ARMH3: variants seen among roughly 807,000 people sequenced by gnomAD.
The protein encoded by ARMH3 is armadillo-like helical domain-containing protein 3.
ARMH3 carries 60 observed loss-of-function variants against 99.1 expected under a neutral mutation model. That is an observed-to-expected ratio of 0.61 (90% CI 0.49 to 0.75). The LOEUF (loss-of-function observed/expected upper bound fraction) is 0.75. Ranked by LOEUF, ARMH3 falls within the 30% of genes least tolerant of loss-of-function variation. ARMH3 has a pLI of 0.00. For missense variants in ARMH3, 679 were observed against 843.1 expected (o/e 0.81, Z 2.41); for synonymous variants, 285 against 292.8 (o/e 0.97, Z 0.27).
At chr10:101,884,957 A>G (rs115618925) in intron 24 of ARMH3, among the ~76,000 whole-genome samples, 2,785 of 152,318 alleles carry the variant, frequency 0.018, 88 homozygotes, top group African/African-American at 0.064. Context: ...AATTCCTAAC[A>G]GTTAACAACA....
rs539520399 is a variant in ARMH3 at position 101,847,244 on chromosome 10, T to C, written c.*284A>G. On this transcript the variant is annotated 3_prime_UTR_variant, in exon 26 of 26. Transcript: ENST00000370033. ...GTAGCTACAGCTTGTAACCTCAAGA[T>C]TGGAAATGTGAGGGGCTGTTTAGGG... 3.0e-5 allele frequency: 11 copies of C among 362,660 alleles called. No homozygotes were observed. The East Asian group carries it at 4.5e-4, about 15-fold the overall frequency. 22.5% of individuals were successfully genotyped at this position (362,660 alleles called of 1,614,324 possible).
intron 19 of ARMH3, 61 bp downstream of exon 19, chr10:101,990,490 C>T: frequency 7.4e-7 from 1 of 1,356,344 alleles, no homozygotes; most frequent in South Asian, 1.2e-5. Flanking sequence ...CATGAATTTT[C>T]TAACATTCAG....
intron 19 of ARMH3, among the ~76,000 whole-genome samples, chr10:101,982,745 T>C (rs1368358323): frequency 6.6e-6 from 1 of 152,020 alleles, no homozygotes; most frequent in Non-Finnish European, 1.5e-5. Flanking sequence ...TGTGGCTCCT[T>C]ATGATAATCT....
At position 102,023,724 on chromosome 10, in the gene ARMH3, G is replaced by C; in HGVS notation, c.533C>G (p.Thr178Ser). The stretch of plus-strand genomic sequence containing the variant: ...GTTGATCATTACATACTCGAGAATA[G>C]TGTTCTGGCTGATGTTATCTGTCAC... ...VTVTDNISQN[T>S]ILEYVMINSI... The change falls in exon 7 of 26, where the codon ACT becomes AGT. Residue 178 changes from threonine (T) to serine (S), a missense_variant. Transcript: ENST00000370033. The C allele has an allele frequency of 6.2e-7, 1 of 1,614,150 alleles. No homozygotes were observed. The highest frequency in any genetic ancestry group is 1.1e-5 in the South Asian group (1 of 91,078).
chr10:101,987,150 C>A (rs2135985777), intron 19 of ARMH3, among the ~76,000 whole-genome samples: 1 of 152,138 alleles, frequency 6.6e-6, no homozygotes, highest in South Asian at 2.1e-4. Flanking sequence ...TTCAACTGTT[C>A]CTCATCATCC....
chr10:101,997,141 T>C (rs1189749226), intron 15 of ARMH3, among the ~76,000 whole-genome samples: 1 of 151,946 alleles, frequency 6.6e-6, no homozygotes, highest in Non-Finnish European at 1.5e-5. Context: ...GGCATGCACC[T>C]GTAATCCCAG....
chr10:102,051,013 G>T (rs1386970336), intron 1 of ARMH3, among the ~76,000 whole-genome samples: 2 of 151,900 alleles, frequency 1.3e-5, no homozygotes, highest in Non-Finnish European at 2.9e-5. Flanking sequence ...AATTAGCTGG[G>T]CATGGTGGCA....
chr10:102,012,942 G>A, intron 9 of ARMH3, 66 bp from the exon 10 acceptor site: 1 of 1,407,972 alleles, frequency 7.1e-7, no homozygotes, highest in Non-Finnish European at 9.8e-7. Flanking sequence ...GATGATGCTA[G>A]AACAAGGTCA....
chr10:101,977,284 T>C (rs2135935867), intron 19 of ARMH3, among the ~76,000 whole-genome samples: 1 of 152,282 alleles, frequency 6.6e-6, no homozygotes, highest in Non-Finnish European at 1.5e-5. Flanking sequence ...TTAAGATAAA[T>C]GATATTTTTA....
chr10:102,004,734 C>G (rs989710004), intron 14 of ARMH3, among the ~76,000 whole-genome samples: 3 of 152,066 alleles, frequency 2.0e-5, no homozygotes, highest in Non-Finnish European at 4.4e-5. Flanking sequence ...CCTGAATAAA[C>G]AGAGACAAGT....
At chr10:101,975,358 G>A in intron 19 of ARMH3, 58 bp from the exon 20 acceptor site, 1 of 1,376,754 alleles carries the variant, frequency 7.3e-7, no homozygotes, top group Non-Finnish European at 1.0e-6. Context: ...CAACTCACCA[G>A]AGATCCCTTC....
intron 14 of ARMH3, among the ~76,000 whole-genome samples, chr10:102,005,497 T>C (rs540337936): frequency 6.6e-6 from 1 of 152,262 alleles, no homozygotes; most frequent in South Asian, 2.1e-4. Context: ...AGTTCTGTAC[T>C]GTTTATACTG....
At chr10:101,993,651 A>C (rs1397555785) in intron 16 of ARMH3, 48 bp from the exon 17 acceptor site, 1 of 1,285,470 alleles carries the variant, frequency 7.8e-7, no homozygotes. Flanking sequence ...TATATTTAAG[A>C]AACTGTAATC....
intron 23 of ARMH3, among the ~76,000 whole-genome samples, chr10:101,891,031 T>C (rs1460040270): frequency 1.3e-5 from 2 of 152,082 alleles, no homozygotes; most frequent in East Asian, 3.9e-4. Context: ...TGTGCCACCA[T>C]GTCTGGCTAA....
chr10:101,942,914 A>C (rs1360963455), intron 22 of ARMH3, among the ~76,000 whole-genome samples: 2 of 152,136 alleles, frequency 1.3e-5, no homozygotes, highest in Non-Finnish European at 2.9e-5. Context: ...AGATGCAGTA[A>C]CTTACCCTCC....
At chr10:102,030,754 T>TTA (rs2067110766) in intron 4 of ARMH3, among the ~76,000 whole-genome samples, 1 of 152,038 alleles carries the variant, frequency 6.6e-6, no homozygotes, top group Non-Finnish European at 1.5e-5. Flanking sequence ...ATATTACAGT[T>TTA]TAACAGTTTT....
chr10:101,920,690 C>A (rs117614908), intron 23 of ARMH3, among the ~76,000 whole-genome samples: 1 of 152,094 alleles, frequency 6.6e-6, no homozygotes, highest in Non-Finnish European at 1.5e-5. Context: ...GATACTTGCA[C>A]AAGCAATGTT....
rs556907834 is a variant in ARMH3 at position 102,013,474 on chromosome 10, A to G, written c.726+494T>C. On this transcript the variant is annotated intron_variant, in intron 9 of 25. Transcript: ENST00000370033. Reference sequence around the variant, plus strand: ...ATAGGGTATGATGGAAAGGGAATAAAGCAAGACACCTGGTCATCTTCTTCC... The same window carrying G: ...ATAGGGTATGATGGAAAGGGAATAAGGCAAGACACCTGGTCATCTTCTTCC... 2.0e-5 allele frequency among the ~76,000 whole-genome samples: 3 copies of G among 152,366 alleles called. No homozygotes were observed. In the East Asian group the frequency reaches 5.8e-4, roughly 29 times the overall value.
chr10:101,955,171 A>T (rs926611779), intron 22 of ARMH3, among the ~76,000 whole-genome samples: 55 of 152,168 alleles, frequency 3.6e-4, no homozygotes, highest in African/African-American at 1.2e-3. Context: ...GTTCTTATGT[A>T]AGGCTGCCAA....
Sources: gnomAD v4.1 joint callset for allele counts (sites outside exome capture counted in the v4.1 genomes callset) on GRCh38, gnomAD v4.1.1 for gene constraint, MANE v1.5 for transcripts, NCBI Gene and HGNC (gene_info 2026-07-23, HGNC 2026-07-21) for gene names.